ADGRD1: variants seen among roughly 807,000 people sequenced by gnomAD.
ADGRD1 encodes G-protein coupled receptor 133.
A neutral mutation model predicts 113.4 loss-of-function variants in ADGRD1; 77 were observed. The ratio of observed to expected loss-of-function variants is 0.68; its 90% CI spans 0.57 to 0.82. The LOEUF (loss-of-function observed/expected upper bound fraction) is 0.82, where lower values mean the gene tolerates loss of function less well. Among genes scored for constraint, ADGRD1 ranks in the 40% least tolerant of loss-of-function variants. ADGRD1 has a pLI of 0.00. For missense variants in ADGRD1, 1,036 were observed against 1,139.1 expected (o/e 0.91, Z 1.30); for synonymous variants, 474 against 475.0 (o/e 1.00, Z 0.03).
At chr12:131,073,028 G>T (rs1885304319) in intron 13 of ADGRD1, among the ~76,000 whole-genome samples, 1 of 152,214 alleles carries the variant, frequency 6.6e-6, no homozygotes, top group African/African-American at 2.4e-5. Context: ...TGGGCCATCT[G>T]TCCCAGGGTC....
At chr12:131,028,070 G>A (rs901431129) in intron 13 of ADGRD1, 3 of 152,036 alleles carry the variant, frequency 2.0e-5, no homozygotes, top group South Asian at 2.1e-4. Context: ...TCTCCAGAGC[G>A]GGCACTGGTT....
intron 15 of ADGRD1, among the ~76,000 whole-genome samples, chr12:131,102,074 T>C (rs539559150): frequency 1.5e-3 from 225 of 152,294 alleles, no homozygotes; most frequent in African/African-American, 5.2e-3. Flanking sequence ...TTAAGTGGCT[T>C]TATATTCATC....
At chr12:131,129,062 G>C (rs56025601) in intron 20 of ADGRD1, among the ~76,000 whole-genome samples, 1,873 of 86,840 alleles carry the variant, frequency 0.022, 18 homozygotes, top group African/African-American at 0.026. Flanking sequence ...GGCCGGCCCT[G>C]CTGTCTGGGT....
intron 8 of ADGRD1, among the ~76,000 whole-genome samples, chr12:130,999,694 G>A (rs934107772): frequency 1.6e-4 from 24 of 152,170 alleles, no homozygotes; most frequent in Non-Finnish European, 2.8e-4. Flanking sequence ...GGGGATGGCG[G>A]GGTCTGGAGT....
rs1871034802 is a variant in ADGRD1 at position 130,966,662 on chromosome 12, G to C, written c.187+116G>C. ...CCCAGGGCCATTGGGGGACGTGGGT[G>C]CTGAGAGTGACTGTGGGCCGGGGAA... On this transcript the variant is annotated intron_variant, in intron 3 of 24. Transcript: ENST00000261654. This position sits in a 1 kb window ranked among gnomAD's most constrained non-coding sequence, Gnocchi z 4.6. 1.4e-6 allele frequency: 1 copy of C among 720,882 alleles called. No individual in the cohort carries two copies. Among genetic ancestry groups the C allele is most frequent in the Admixed American group, 2.0e-5 (1 of 49,006 alleles). The allele number at this position is 720,882 out of a possible 1,614,324, so 44.7% of individuals were successfully genotyped here.
rs4759544 is a variant in ADGRD1 at position 131,105,859 on chromosome 12, G to A, written c.1881G>A (p.Pro627=). 447,506 of 1,594,080 alleles carry A rather than the reference G, an allele frequency of 0.28. 66,248 individuals carry two copies. The highest frequency in any genetic ancestry group is 0.38 in the South Asian group (34,168 of 90,118). The stretch of plus-strand genomic sequence containing the variant: ...TGCTCATTAGTTTCCGCCTCGAGCC[G>A]GGCACGGTGAGTGGGCGCAGCTCCG... The part of the protein sequence containing the change: ...VLLLISFRLE[P]GTTPCQVMAV... Residue 627 remains proline, a synonymous_variant, in exon 17 of 25, where the codon CCG becomes CCA. Coordinates refer to ENST00000261654, the MANE Select transcript of ADGRD1 (RefSeq NM_198827.5).
In ADGRD1 at chr12:131,108,715, A is replaced by G; in HGVS notation, c.1888-9A>G. On this transcript the variant is annotated splice_polypyrimidine_tract_variant and intron_variant, in intron 17 of 24. Transcript: ENST00000261654. ...GCTGTCTCACTTCCCATCTCTGGTTAAATCCTAGACCCCCTGCCAAGTGAT... is the reference window on the plus strand; with the variant it reads ...GCTGTCTCACTTCCCATCTCTGGTTGAATCCTAGACCCCCTGCCAAGTGAT... 2 of 1,614,010 alleles carry G rather than the reference A, an allele frequency of 1.2e-6. No homozygotes were observed. The highest frequency in any genetic ancestry group is 2.2e-5 in the East Asian group (1 of 44,864).
Position 131,041,379 on chromosome 12 carries a change from C to T in ADGRD1, c.1473+27039C>T, listed in dbSNP as rs996912351. ...AGCAGGTGTGGACAGGGCAGAGGTC[C>T]GCCCTTTCCCTGTCCAGTGGAAAGC... On this transcript the variant is annotated intron_variant, in intron 13 of 24. Coordinates refer to ENST00000261654, the MANE Select transcript of ADGRD1 (RefSeq NM_198827.5). This position sits in a 1 kb window ranked among gnomAD's most constrained non-coding sequence, Gnocchi z 4.4. Among the ~76,000 whole-genome samples, 2 of 152,098 alleles carry T rather than the reference C, an allele frequency of 1.3e-5. No individual in the cohort carries two copies. Among genetic ancestry groups the T allele is most frequent in the African/African-American group, 2.4e-5 (1 of 41,420 alleles).
intron 13 of ADGRD1, among the ~76,000 whole-genome samples, chr12:131,061,751 C>T (rs1049035308): frequency 1.3e-5 from 2 of 152,170 alleles, no homozygotes; most frequent in East Asian, 3.9e-4. Flanking sequence ...AGATACAGGC[C>T]GTTTTACCAG....
chr12:131,028,123 T>C (rs1363439048), intron 13 of ADGRD1: 1 of 152,226 alleles, frequency 6.6e-6, no homozygotes, highest in African/African-American at 2.4e-5. Context: ...GTGTCCAGCA[T>C]TGGGTGTGGC....
chr12:131,136,528 A>G (rs551673885), intron 22 of ADGRD1, among the ~76,000 whole-genome samples: 2 of 152,328 alleles, frequency 1.3e-5, no homozygotes, highest in Admixed American at 1.3e-4. Flanking sequence ...GTCATCTGGG[A>G]ACCAAAGACT....
In ADGRD1 at chr12:130,966,552, G is replaced by A. The variant is rs1871013177; in HGVS notation, c.187+6G>A. 1 of 1,588,318 alleles carries A rather than the reference G, an allele frequency of 6.3e-7. No homozygotes were observed. Among genetic ancestry groups the A allele is most frequent in the Non-Finnish European group, 8.6e-7 (1 of 1,156,446 alleles). Reference sequence around the variant, plus strand: ...ACTTCAGGATACAACTGGAGGTAGAGACGCGGGTGCTGAGAGCGGCTGTGG... The same window carrying A: ...ACTTCAGGATACAACTGGAGGTAGAAACGCGGGTGCTGAGAGCGGCTGTGG... On this transcript the variant is annotated splice_donor_region_variant and intron_variant, in intron 3 of 24. Transcript: ENST00000261654. The surrounding 1 kb of genome is among the most constrained non-coding windows in gnomAD (Gnocchi z 4.6).
intron 13 of ADGRD1, 25 bp downstream of exon 13, chr12:131,014,365 G>C (rs757632790): frequency 1.4e-5 from 23 of 1,598,190 alleles, no homozygotes; most frequent in Middle Eastern, 3.3e-4. Context: ...CTTCACCCTT[G>C]TCGCCGCCTT....
chr12:131,090,487 T>G (rs1886838365), intron 15 of ADGRD1, among the ~76,000 whole-genome samples: 1 of 152,116 alleles, frequency 6.6e-6, no homozygotes. Flanking sequence ...ATATCCAGCC[T>G]CCTCCTTGGC....
At chr12:131,090,366 C>G (rs1203810512) in intron 15 of ADGRD1, among the ~76,000 whole-genome samples, 2 of 129,066 alleles carry the variant, frequency 1.5e-5, no homozygotes, top group Non-Finnish European at 3.5e-5. Context: ...TTCCACGGGG[C>G]CCTGGGCTCG....
At chr12:130,976,469 C>G (rs1872321022) in intron 4 of ADGRD1, among the ~76,000 whole-genome samples, 1 of 152,204 alleles carries the variant, frequency 6.6e-6, no homozygotes, top group African/African-American at 2.4e-5. Context: ...GATTCTGAGT[C>G]TCAGTGGACA....
chr12:131,008,974 C>T (rs1877531234), intron 12 of ADGRD1, among the ~76,000 whole-genome samples: 1 of 152,226 alleles, frequency 6.6e-6, no homozygotes, highest in Admixed American at 6.5e-5. Context: ...TTCTGCAGCC[C>T]TCAGTGCAGT....
intron 21 of ADGRD1, 127 bp from the exon 22 acceptor site, chr12:131,135,910 A>G (rs1951066316): frequency 1.1e-6 from 1 of 912,300 alleles, no homozygotes; most frequent in African/African-American, 1.6e-5. Context: ...TGCAGGGAGG[A>G]CCCCAGGTCT....
rs1951206509 is a variant in ADGRD1 at position 131,140,045 on chromosome 12, A to T, written c.*782A>T. The T allele has an allele frequency of 6.6e-6, 1 of 152,218 alleles. No homozygotes were observed. The highest frequency in any genetic ancestry group is 2.4e-5 in the African/African-American group (1 of 41,414). 9.4% of individuals were successfully genotyped at this position (152,218 alleles called of 1,614,324 possible). On this transcript the variant is annotated 3_prime_UTR_variant, in exon 25 of 25. Coordinates refer to ENST00000261654, the MANE Select transcript of ADGRD1 (RefSeq NM_198827.5). ...GGGAGCTTCTCGGCCATCCGCTGTG[A>T]GTTTTGCCTCTTTGGACCCCAATTC...
Sources: allele counts gnomAD v4.1 joint callset (sites outside exome capture counted in the v4.1 genomes callset), GRCh38; gene constraint gnomAD v4.1.1; non-coding constraint Gnocchi (gnomAD v3.1); transcripts MANE v1.5; gene names NCBI Gene and HGNC (gene_info 2026-07-23, HGNC 2026-07-21).